The following MAD1L1 variants were observed in gnomAD, a reference collection of about 807,000 sequenced individuals.
The protein encoded by MAD1L1 is mitotic arrest deficient 1 like 1, also known as mitotic spindle assembly checkpoint protein MAD1.
Under a neutral mutation model 96.9 loss-of-function variants are expected in MAD1L1, and 95 were observed. The observed-to-expected ratio is 0.98, with a 90% CI of 0.83 to 1.16. The LOEUF is 1.16. MAD1L1 is among the 50% of genes most tolerant of loss of function. MAD1L1 has a pLI of 0.00. For synonymous variants in MAD1L1, 473 were observed against 396.6 expected, an observed-to-expected ratio of 1.19 and a Z score of -2.29; for missense variants, 1,007 against 954.4, an observed-to-expected ratio of 1.06 and a Z score of -0.73.
chr7:1,921,160 G>A (rs1014767465), intron 17 of MAD1L1, among the ~76,000 whole-genome samples: 4 of 152,206 alleles, frequency 2.6e-5, no homozygotes, highest in African/African-American at 7.2e-5. Flanking sequence ...GGTCTGAGAC[G>A]TGGTATCGGT....
chr7:1,832,967 A>C (rs903115859), intron 18 of MAD1L1, among the ~76,000 whole-genome samples: 1 of 152,012 alleles, frequency 6.6e-6, no homozygotes, highest in African/African-American at 2.4e-5. Context: ...CAGCCACCCC[A>C]ACCTTCAGCA....
At chr7:1,983,004 T>G (rs1383842362) in intron 14 of MAD1L1, among the ~76,000 whole-genome samples, 9 of 152,202 alleles carry the variant, frequency 5.9e-5, no homozygotes, top group Non-Finnish European at 1.3e-4. Context: ...CTGGAATAAA[T>G]CTTACTGCAT....
At chr7:1,980,731 T>G in intron 14 of MAD1L1, 190 bp from the exon 15 acceptor site, 1 of 692,050 alleles carries the variant, frequency 1.4e-6, no homozygotes, top group East Asian at 2.8e-5. Flanking sequence ...CAAACTCAAG[T>G]TCTCTCATTT....
At chr7:2,005,779 C>T (rs1475528872) in intron 13 of MAD1L1, among the ~76,000 whole-genome samples, 1 of 151,894 alleles carries the variant, frequency 6.6e-6, no homozygotes, top group Admixed American at 6.6e-5. Flanking sequence ...TCAGCCTGGG[C>T]AACAGAGTGA....
In MAD1L1 at chr7:1,897,489, G is replaced by A. The variant is rs11980895; in HGVS notation, c.1998+711C>T. Among the ~76,000 whole-genome samples the A allele has an allele frequency of 8.3e-3, 1,261 of 152,322 alleles. 15 individuals are homozygous for A. Among genetic ancestry groups the A allele is most frequent in the African/African-American group, 0.029 (1,206 of 41,566 alleles). On this transcript the variant is annotated intron_variant, in intron 18 of 18. Transcript: ENST00000265854. ...ACGGCACCATCCTCACAAACCGGAG[G>A]TTAGCTCACCGGGGCAGTGATGAAC...
intron 10 of MAD1L1, among the ~76,000 whole-genome samples, chr7:2,168,949 C>G (rs1047801681): frequency 6.6e-6 from 1 of 152,242 alleles, no homozygotes. Flanking sequence ...AACACGCGCT[C>G]GGACTTGCTG....
chr7:1,859,448 GAA>G (rs888106970), intron 18 of MAD1L1, among the ~76,000 whole-genome samples: 7 of 152,244 alleles, frequency 4.6e-5, no homozygotes, highest in African/African-American at 1.7e-4. Flanking sequence ...AAAGGGCTTT[GAA>G]AAGTCAGTGC....
rs529611683 is a variant in MAD1L1, at chr7:2,075,265, G to A, written c.1074-5927C>T. Among the ~76,000 whole-genome samples, 7 of 152,280 alleles carry A rather than the reference G, an allele frequency of 4.6e-5. 1 individual carries two copies. Among genetic ancestry groups the A allele is most frequent in the Admixed American group, 3.3e-4 (5 of 15,308 alleles). On this transcript the variant is annotated intron_variant, in intron 11 of 18. Coordinates refer to ENST00000265854, the MANE Select transcript of MAD1L1 (RefSeq NM_001013836.2). ...CCCCCCATCTAGCGTTTCAGACACC[G>A]CCAACAAGTGGTGCTGCCCACCCAG...
intron 18 of MAD1L1, among the ~76,000 whole-genome samples, chr7:1,868,477 A>C (rs1446190642): frequency 0.01 from 1,145 of 112,336 alleles, no homozygotes; most frequent in African/African-American, 0.012. Flanking sequence ...GAGGCCTCCC[A>C]CCCACCCCAC....
At chr7:1,917,269 G>A (rs563837924) in intron 17 of MAD1L1, among the ~76,000 whole-genome samples, 20 of 152,272 alleles carry the variant, frequency 1.3e-4, no homozygotes, top group South Asian at 2.1e-4. Flanking sequence ...CCTCCCGCTC[G>A]GCTGCCCACC....
Position 1,968,356 on chromosome 7 carries a change from A to G in MAD1L1, c.1506-10637T>C, listed in dbSNP as rs778303951. On this transcript the variant is annotated intron_variant, in intron 15 of 18. Coordinates refer to ENST00000265854, the MANE Select transcript of MAD1L1 (RefSeq NM_001013836.2). This position sits in a 1 kb window ranked among gnomAD's most constrained non-coding sequence, Gnocchi z 5.6. ...AGGTCAACCGTCCACACCTCAGTCC[A>G]GTGGTCAGGTCCACTGTCAATGCCT... is the stretch of plus-strand genomic sequence containing the variant. 1.4e-4 allele frequency among the ~76,000 whole-genome samples: 21 copies of G among 150,024 alleles called. No homozygotes were observed. Among genetic ancestry groups the G allele is most frequent in the African/African-American group, 4.7e-4 (19 of 40,366 alleles).
At chr7:1,867,583 C>T (rs926053742) in intron 18 of MAD1L1, among the ~76,000 whole-genome samples, 2 of 152,252 alleles carry the variant, frequency 1.3e-5, no homozygotes, top group Non-Finnish European at 2.9e-5. Flanking sequence ...GGCTTCTGCA[C>T]ATCTCAGCAG....
At chr7:1,956,722 C>T (rs1326098929) in intron 16 of MAD1L1, among the ~76,000 whole-genome samples, 1 of 152,232 alleles carries the variant, frequency 6.6e-6, no homozygotes, top group African/African-American at 2.4e-5. Context: ...AGTGAGCTCC[C>T]GAGCACACGC....
intron 11 of MAD1L1, among the ~76,000 whole-genome samples, chr7:2,091,611 C>T (rs1350682190): frequency 6.6e-6 from 1 of 151,944 alleles, no homozygotes; most frequent in Non-Finnish European, 1.5e-5. Context: ...CCGTCTCTAC[C>T]AAAAAATACA....
intron 18 of MAD1L1, among the ~76,000 whole-genome samples, chr7:1,851,774 CA>C (rs1168790704): frequency 6.6e-6 from 1 of 152,146 alleles, no homozygotes; most frequent in Non-Finnish European, 1.5e-5. Context: ...TTCAGCATCC[CA>C]GGCAGGCGCA....
At chr7:2,022,529 C>T (rs901687991) in intron 12 of MAD1L1, among the ~76,000 whole-genome samples, 4 of 149,954 alleles carry the variant, frequency 2.7e-5, no homozygotes, top group South Asian at 2.1e-4. Flanking sequence ...CCAGCCTGGG[C>T]GACAAGAGCA....
At chr7:2,191,209 C>A (rs146078433) in intron 10 of MAD1L1, among the ~76,000 whole-genome samples, 1 of 152,104 alleles carries the variant, frequency 6.6e-6, no homozygotes, top group Non-Finnish European at 1.5e-5. Flanking sequence ...TAATTCCAGA[C>A]GAAACAAAAC....
intron 10 of MAD1L1, among the ~76,000 whole-genome samples, chr7:2,153,284 T>TAA (rs1789670096): frequency 3.9e-5 from 6 of 152,068 alleles, no homozygotes; most frequent in Non-Finnish European, 8.8e-5. Context: ...TGTCAACTCT[T>TAA]CGGCCAATAA....
At position 1,829,965 on chromosome 7, in the gene MAD1L1, C is replaced by T. The variant is rs1782625505; in HGVS notation, c.1999-13737G>A. On this transcript the variant is annotated intron_variant, in intron 18 of 18. Transcript: ENST00000265854. ...AAGACAAAGCCCAGAATTCTCCACC[C>T]AGTGGAAATATCTCCCCCCAAATAA... Among the ~76,000 whole-genome samples the T allele has an allele frequency of 1.2e-4, 18 of 152,276 alleles. No homozygotes were observed. In the South Asian group the frequency reaches 3.7e-3, roughly 32 times the overall value.
Sources: gnomAD v4.1 joint callset for allele counts (sites outside exome capture counted in the v4.1 genomes callset) on GRCh38, gnomAD v4.1.1 for gene constraint, Gnocchi (gnomAD v3.1) non-coding constraint, MANE v1.5 for transcripts, NCBI Gene and HGNC (gene_info 2026-07-23, HGNC 2026-07-21) for gene names.